Variants in MYO1F observed in about 807,000 individuals in gnomAD.
MYO1F encodes the protein myosin IF, also known as unconventional myosin-If.
In MYO1F, 60 loss-of-function variants were observed where a neutral mutation model predicts 146.6. The ratio of observed to expected loss-of-function variants is 0.41; its 90% confidence interval spans 0.33 to 0.51. MYO1F has a LOEUF of 0.51. MYO1F is among the 20% of genes least tolerant of loss of function. MYO1F has a pLI of 0.25. For missense variants in MYO1F, 1,274 were observed against 1,534.3 expected (o/e 0.83, Z 2.83); for synonymous variants, 602 against 602.1 (o/e 1.00, Z 0.00).
chr19:8,553,894 A>ACACACACACACACACACACACACTCTCT lies in MYO1F; in HGVS notation c.327-458_327-457insAGAGAGTGTGTGTGTGTGTGTGTGTGTG. On this transcript the variant is annotated intron_variant, in intron 4 of 27. Transcript: ENST00000644032. Reference sequence around the variant, plus strand: ...CACACACACACACACACACACACACACTCTCTCTCTCTCTCTCTCTCTCTC... The same window carrying ACACACACACACACACACACACACTCTCT: ...CACACACACACACACACACACACACACACACACACACACACACACACACTCTCTCTCTCTCTCTCTCTCTCTCTCTCTC... Among the ~76,000 whole-genome samples, 436 of 102,520 alleles carry ACACACACACACACACACACACACTCTCT rather than the reference A, an allele frequency of 4.3e-3. 1 individual carries two copies. Among genetic ancestry groups the ACACACACACACACACACACACACTCTCT allele is most frequent in the Non-Finnish European group, 5.1e-3 (271 of 52,690 alleles). 67.3% of individuals were successfully genotyped at this position (102,520 alleles called of 152,430 possible). A position where few individuals can be genotyped will look rare whatever the true frequency, so the allele number is the denominator to read the frequency against.
chr19:8,533,174 A>G (rs1353095520), intron 19 of MYO1F, among the ~76,000 whole-genome samples: 5 of 148,048 alleles, frequency 3.4e-5, no homozygotes, highest in African/African-American at 1.3e-4. Context: ...AAGGCTAATT[A>G]TGGTATTATT....
chr19:8,553,759 C>T (rs1973712068), intron 4 of MYO1F, among the ~76,000 whole-genome samples: 1 of 151,586 alleles, frequency 6.6e-6, no homozygotes, highest in South Asian at 2.1e-4. Context: ...GTAATCCCGG[C>T]CACTCAGGAG....
chr19:8,530,451 C>A lies in MYO1F; in HGVS notation c.2158+8G>T. 1 of 1,613,760 alleles carries A rather than the reference C, an allele frequency of 6.2e-7. No individual in the cohort carries two copies. Among genetic ancestry groups the A allele is most frequent in the Non-Finnish European group, 8.5e-7 (1 of 1,180,018 alleles). On this transcript the variant is annotated splice_region_variant and intron_variant, in intron 20 of 27. Transcript: ENST00000644032. The surrounding 1 kb of genome is among the most constrained non-coding windows in gnomAD (Gnocchi z 5.8). ...CCCACCCCGCGCCGTTTACCCGAAG[C>A]CTCTCACCTTCCTCCCGCATCTCCT...
chr19:8,574,677 T>C (rs116642666), intron 1 of MYO1F, among the ~76,000 whole-genome samples: 25,706 of 137,210 alleles, frequency 0.19, 2,828 homozygotes, highest in Middle Eastern at 0.24. Flanking sequence ...CTCTCTTTCT[T>C]TCTTTCTTCC....
In MYO1F at chr19:8,571,559, C is replaced by T. The variant is rs186083162; in HGVS notation, c.3+5748G>A. ...CCTCCCGAGTAGCTGGGACTACAGG[C>T]GCCCGCCACCGCGCCCGGCTAATTT... On this transcript the variant is annotated intron_variant, in intron 1 of 27. Coordinates refer to ENST00000644032, the MANE Select transcript of MYO1F (RefSeq NM_012335.4). 6.9e-3 allele frequency among the ~76,000 whole-genome samples: 1,048 copies of T among 151,766 alleles called. 7 individuals carry two copies. The highest frequency in any genetic ancestry group is 0.014 in the South Asian group (66 of 4,804).
chr19:8,574,615 T>C (rs144169495), intron 1 of MYO1F, among the ~76,000 whole-genome samples: 1,801 of 51,490 alleles, frequency 0.035, 22 homozygotes, highest in African/African-American at 0.055. Context: ...CTTTCTTTCT[T>C]TCTTTCTTTC....
At chr19:8,557,587 C>G (rs1346262346) in intron 1 of MYO1F, among the ~76,000 whole-genome samples, 3 of 152,156 alleles carry the variant, frequency 2.0e-5, no homozygotes, top group Non-Finnish European at 4.4e-5. Flanking sequence ...TAGGCGTAAG[C>G]TACTGCACCC....
Position 8,541,964 on chromosome 19 carries a change from C to T in MYO1F, c.1552G>A (p.Glu518Lys), listed in dbSNP as rs764319544. ...GAGAAGAGAACGTCTCGGTTCCTCT[C>T]GCAGAAGCCGCTGACGTCGTAGGAG... is the stretch of plus-strand genomic sequence containing the variant. ...KVSYDVSGFCERNRDVLFSDL... is the reference protein window; with the variant it reads ...KVSYDVSGFCKRNRDVLFSDL... Residue 518 changes from glutamate (E) to lysine (K), a missense_variant, in exon 15 of 28, where the codon GAG (glutamate) becomes AAG (lysine). Physicochemically the swap from Glu to Lys is moderately conservative, Grantham distance 56. Around this residue, in one of 2 missense-constraint regions of MYO1F, gnomAD observed 900 missense variants for 1,155.1 expected, o/e 0.78. Transcript: ENST00000644032. 4 of 1,613,284 alleles carry T rather than the reference C, an allele frequency of 2.5e-6. No homozygotes were observed. The highest frequency in any genetic ancestry group is 3.4e-6 in the Non-Finnish European group (4 of 1,179,972).
At position 8,556,354 on chromosome 19, in the gene MYO1F, T is replaced by A. The variant is rs986963261; in HGVS notation, c.4-558A>T. ...CTCTTTTTTTTTTAATTAAAAAATT[T>A]TTTAATGCCAAGTGCAGTGGCTCAT... On this transcript the variant is annotated intron_variant, in intron 1 of 27. Coordinates refer to ENST00000644032, the MANE Select transcript of MYO1F (RefSeq NM_012335.4). Among the ~76,000 whole-genome samples the A allele has an allele frequency of 8.1e-4, 123 of 151,120 alleles. 1 individual carries two copies. The highest frequency in any genetic ancestry group is 2.7e-3 in the African/African-American group (110 of 41,334).
intron 1 of MYO1F, among the ~76,000 whole-genome samples, chr19:8,556,421 C>T (rs1038604320): frequency 9.1e-4 from 136 of 150,090 alleles, no homozygotes; most frequent in African/African-American, 3.2e-3. Context: ...GCAGGAGGAT[C>T]GCTTGAGGCC....
intron 19 of MYO1F, among the ~76,000 whole-genome samples, chr19:8,531,994 T>G (rs1972506773): frequency 6.6e-6 from 1 of 152,076 alleles, no homozygotes; most frequent in Middle Eastern, 3.2e-3. Flanking sequence ...GGCGCATGCC[T>G]GTCATCCCAG....
At position 8,577,417 on chromosome 19, in the gene MYO1F, C is replaced by T. The variant is rs188048315; in HGVS notation, c.-108G>A. 2,366 of 1,276,152 alleles carry T rather than the reference C, an allele frequency of 1.9e-3. 32 individuals are homozygous for T. The East Asian group carries it at 0.019, about 10-fold the overall frequency. 79.1% of individuals were successfully genotyped at this position (1,276,152 alleles called of 1,614,324 possible). On this transcript the variant is annotated 5_prime_UTR_variant, in exon 1 of 28. Coordinates refer to ENST00000644032, the MANE Select transcript of MYO1F (RefSeq NM_012335.4). The surrounding 1 kb of genome is among the most constrained non-coding windows in gnomAD (Gnocchi z 4.3). The stretch of plus-strand genomic sequence containing the variant: ...GCTTGGGCATGGCCCTGCTTCTGCC[C>T]GTTCACCGGACTCCCGGCTTTAGTT...
In MYO1F at chr19:8,530,693, G is replaced by C. The variant is rs1972451620; in HGVS notation, c.2044-120C>G. On this transcript the variant is annotated intron_variant, in intron 19 of 27. Coordinates refer to ENST00000644032, the MANE Select transcript of MYO1F (RefSeq NM_012335.4). The surrounding 1 kb of genome is among the most constrained non-coding windows in gnomAD (Gnocchi z 5.8). The stretch of plus-strand genomic sequence containing the variant: ...TTTGCTCACCCATCCCCACACATGT[G>C]CTAATTTTTTTAAGAGGCGGGGTCT... 2 of 793,284 alleles carry C rather than the reference G, an allele frequency of 2.5e-6. No individual in the cohort carries two copies. The highest frequency in any genetic ancestry group is 3.4e-5 in the African/African-American group (2 of 58,366). The allele number at this position is 793,284 out of a possible 1,614,324, so 49.1% of individuals were successfully genotyped here.
chr19:8,545,533 G>T, intron 13 of MYO1F, 117 bp downstream of exon 13: 1 of 862,088 alleles, frequency 1.2e-6, no homozygotes, highest in Non-Finnish European at 2.0e-6. Context: ...GAAGTCCTGA[G>T]TGTAGGGTAG....
In MYO1F at chr19:8,533,682, G is replaced by A. The variant is rs1972587108; in HGVS notation, c.2043+2570C>T. ...CTCAGATTCTTCTTTAAAACCTTTAGAGAGTATGGCCATGCCAACACCTTG... is the reference window on the plus strand; with the variant it reads ...CTCAGATTCTTCTTTAAAACCTTTAAAGAGTATGGCCATGCCAACACCTTG... On this transcript the variant is annotated intron_variant, in intron 19 of 27. Transcript: ENST00000644032. 2.0e-5 allele frequency among the ~76,000 whole-genome samples: 3 copies of A among 152,204 alleles called. No individual in the cohort carries two copies. The South Asian group carries it at 6.2e-4, about 32-fold the overall frequency.
intron 14 of MYO1F, chr19:8,544,040 GCTGGT>G: frequency 1.8e-6 from 1 of 561,980 alleles, no homozygotes; most frequent in Non-Finnish European, 3.2e-6. Flanking sequence ...CGGTGGCGGT[GCTGGT>G]GGTGGTGGTG....
chr19:8,553,894 A>ACACACACTCTCTCTCT, intron 4 of MYO1F, among the ~76,000 whole-genome samples: 22 of 102,664 alleles, frequency 2.1e-4, no homozygotes, highest in African/African-American at 8.3e-4. Context: ...ACACACACAC[A>ACACACACTCTCTCTCT]CTCTCTCTCT....
rs575942319 is a variant in MYO1F at position 8,552,688 on chromosome 19, A to G, written c.504+451T>C. Reference sequence around the variant, plus strand: ...AAACAGAGGAAACTCAGGAAGTTGCATAGATTTTTTTCCCCCCCAGGCTAC... The same window carrying G: ...AAACAGAGGAAACTCAGGAAGTTGCGTAGATTTTTTTCCCCCCCAGGCTAC... On this transcript the variant is annotated intron_variant, in intron 6 of 27. Coordinates refer to ENST00000644032, the MANE Select transcript of MYO1F (RefSeq NM_012335.4). Among the ~76,000 whole-genome samples the G allele has an allele frequency of 3.3e-3, 499 of 151,778 alleles. 2 individuals are homozygous for G. Among genetic ancestry groups the G allele is most frequent in the Non-Finnish European group, 5.9e-3 (401 of 68,012 alleles).
In MYO1F at chr19:8,538,398, C is replaced by T. The variant is rs1389444617; in HGVS notation, c.1693-1343G>A. 3.3e-5 allele frequency among the ~76,000 whole-genome samples: 5 copies of T among 152,128 alleles called. No individual in the cohort carries two copies. In the East Asian group the frequency reaches 9.6e-4, roughly 29 times the overall value. On this transcript the variant is annotated intron_variant, in intron 16 of 27. Coordinates refer to ENST00000644032, the MANE Select transcript of MYO1F (RefSeq NM_012335.4). ...CTCCATCTCCCAAGTTCAAGCAATT[C>T]TCCTGCCTCAGCCTCCTGAGTAGCT...
Sources: gnomAD v4.1 joint callset for allele counts (sites outside exome capture counted in the v4.1 genomes callset) on GRCh38, gnomAD v4.1.1 for gene constraint, gnomAD v4.1.1 regional missense constraint, Gnocchi (gnomAD v3.1) non-coding constraint, MANE v1.5 for transcripts, NCBI Gene and HGNC (gene_info 2026-07-23, HGNC 2026-07-21) for gene names.